The following LPP variants were observed in gnomAD, a reference collection of about 807,000 sequenced individuals.
The protein encoded by LPP is lipoma-preferred partner.
A neutral mutation model predicts 60.4 loss-of-function variants in LPP; 38 were observed. The observed-to-expected ratio is 0.63, with a 90% confidence interval of 0.49 to 0.83. LPP has a LOEUF of 0.83. Ranked by LOEUF, LPP falls within the 40% of genes least tolerant of loss-of-function variation. LPP has a pLI of 0.00. For missense variants in LPP, 902 were observed against 783.6 expected, an observed-to-expected ratio of 1.15 and a Z score of -1.80; for synonymous variants, 328 against 290.8, an observed-to-expected ratio of 1.13 and a Z score of -1.30.
intron 2 of LPP, among the ~76,000 whole-genome samples, chr3:188,336,331 G>A (rs1048766760): frequency 2.0e-5 from 3 of 152,068 alleles, no homozygotes; most frequent in Non-Finnish European, 4.4e-5. Flanking sequence ...TTGGATGTAG[G>A]CTTCCCACAG....
At chr3:188,663,505 G>A (rs900025927) in intron 7 of LPP, among the ~76,000 whole-genome samples, 3 of 152,126 alleles carry the variant, frequency 2.0e-5, no homozygotes, top group African/African-American at 7.2e-5. Context: ...GTCATATTGA[G>A]TGTCACGTAC....
chr3:188,871,241 A>G (rs960988010), intron 10 of LPP, among the ~76,000 whole-genome samples: 3 of 152,228 alleles, frequency 2.0e-5, no homozygotes, highest in African/African-American at 7.2e-5. Context: ...TTTGCAGTTG[A>G]TCCCAGAAGC....
chr3:188,487,725 T>C (rs990015270), intron 5 of LPP, among the ~76,000 whole-genome samples: 1 of 152,192 alleles, frequency 6.6e-6, no homozygotes, highest in Admixed American at 6.5e-5. Flanking sequence ...TGAGCCATGG[T>C]AGAGCCTAAA....
At chr3:188,360,776 A>G (rs1769061281) in intron 3 of LPP, among the ~76,000 whole-genome samples, 1 of 152,202 alleles carries the variant, frequency 6.6e-6, no homozygotes, top group African/African-American at 2.4e-5. Flanking sequence ...AAAAATCTAG[A>G]TGAAAAGTTC....
At chr3:188,600,150 A>G (rs1840834267) in intron 6 of LPP, among the ~76,000 whole-genome samples, 1 of 149,838 alleles carries the variant, frequency 6.7e-6, no homozygotes, top group Admixed American at 6.7e-5. Flanking sequence ...GGAATACCAC[A>G]ATATTTTAGA....
intron 10 of LPP, among the ~76,000 whole-genome samples, chr3:188,867,800 G>T (rs1372207112): frequency 1.3e-5 from 2 of 152,130 alleles, no homozygotes; most frequent in African/African-American, 4.8e-5. Context: ...ACCAGGTTGG[G>T]TATCCATTCT....
chr3:188,323,068 G>A (rs1295785857), intron 2 of LPP, among the ~76,000 whole-genome samples: 2 of 152,156 alleles, frequency 1.3e-5, no homozygotes, highest in African/African-American at 4.8e-5. Context: ...GTAAGCAATT[G>A]CTTCTAAAAA....
chr3:188,624,705 TTTTCCCTTTCCCTTTCCC>T (rs10566349), intron 7 of LPP, among the ~76,000 whole-genome samples: 3 of 68,390 alleles, frequency 4.4e-5, no homozygotes, highest in Admixed American at 1.6e-4. Context: ...CCTTCCTTCC[TTTTCCCTTTCCCTTTCCC>T]TTTCCCTTTC....
chr3:188,233,546 A>T (rs765022332), intron 2 of LPP, among the ~76,000 whole-genome samples: 16 of 152,186 alleles, frequency 1.1e-4, no homozygotes, highest in Non-Finnish European at 1.9e-4. Context: ...TCATTCTATG[A>T]TTAAGCCAGT....
Position 188,750,729 on chromosome 3 carries a change from G to A in LPP, c.1241-9384G>A, listed in dbSNP as rs200084347. Among the ~76,000 whole-genome samples, 7 of 152,242 alleles carry A rather than the reference G, an allele frequency of 4.6e-5. No individual in the cohort carries two copies. The East Asian group carries it at 1.4e-3, about 29-fold the overall frequency. On this transcript the variant is annotated intron_variant, in intron 8 of 11. Transcript: ENST00000617246. ...TCTTTTGTGAAACAAGAAGGTAAGAGGGACACTGGAGAAAACCTAATGTTC... is the reference window on the plus strand; with the variant it reads ...TCTTTTGTGAAACAAGAAGGTAAGAAGGACACTGGAGAAAACCTAATGTTC...
At chr3:188,252,242 T>C (rs2149588770) in intron 2 of LPP, among the ~76,000 whole-genome samples, 1 of 143,112 alleles carries the variant, frequency 7.0e-6, no homozygotes, top group South Asian at 2.2e-4. Context: ...ACACAAAAGA[T>C]AGCATGTTGT....
intron 9 of LPP, among the ~76,000 whole-genome samples, chr3:188,777,611 G>T (rs941803594): frequency 2.9e-4 from 44 of 152,106 alleles, no homozygotes; most frequent in African/African-American, 1.2e-4. Context: ...GCATGTCAGG[G>T]TCCTGTCTTT....
At chr3:188,241,441 T>A (rs557432391) in intron 2 of LPP, among the ~76,000 whole-genome samples, 1 of 152,360 alleles carries the variant, frequency 6.6e-6, no homozygotes, top group South Asian at 2.1e-4. Context: ...CTCTTCCTTC[T>A]AATCTCCTTT....
intron 6 of LPP, among the ~76,000 whole-genome samples, chr3:188,535,519 G>A (rs1823331510): frequency 6.6e-6 from 1 of 152,116 alleles, no homozygotes; most frequent in Non-Finnish European, 1.5e-5. Context: ...ATCTGTAATA[G>A]ATATAGAGTT....
chr3:188,605,434 G>A (rs566006203), intron 6 of LPP, among the ~76,000 whole-genome samples: 2 of 152,142 alleles, frequency 1.3e-5, no homozygotes, highest in Non-Finnish European at 2.9e-5. Flanking sequence ...CAAATGAAAA[G>A]CAGATCAGGG....
At chr3:188,739,010 T>C (rs1037104204) in intron 8 of LPP, among the ~76,000 whole-genome samples, 3 of 152,114 alleles carry the variant, frequency 2.0e-5, no homozygotes, top group Non-Finnish European at 4.4e-5. Flanking sequence ...CATAGACAAA[T>C]GACCATAGTT....
intron 6 of LPP, among the ~76,000 whole-genome samples, chr3:188,601,685 C>T (rs559388913): frequency 2.1e-4 from 32 of 152,134 alleles, no homozygotes; most frequent in Non-Finnish European, 3.4e-4. Context: ...GGTTTATCTA[C>T]AATAACTTGC....
intron 7 of LPP, among the ~76,000 whole-genome samples, chr3:188,703,042 A>G (rs780550447): frequency 1.3e-5 from 2 of 152,204 alleles, no homozygotes; most frequent in Non-Finnish European, 2.9e-5. Context: ...TCATCCAGAA[A>G]TAGGATTACA....
intron 7 of LPP, among the ~76,000 whole-genome samples, chr3:188,619,316 C>T (rs568190476): frequency 8.8e-4 from 134 of 152,326 alleles, no homozygotes; most frequent in Admixed American, 1.4e-3. Flanking sequence ...TGAGCCACCA[C>T]GCCTGGACAG....
Sources: gnomAD v4.1 joint callset for allele counts (sites outside exome capture counted in the v4.1 genomes callset) on GRCh38, gnomAD v4.1.1 for gene constraint, MANE v1.5 for transcripts, NCBI Gene and HGNC (gene_info 2026-07-23, HGNC 2026-07-21) for gene names.